Variants in UBN2 observed in about 807,000 individuals in gnomAD.
The protein encoded by UBN2 is ubinuclein 2, also known as ubinuclein-2.
Under a neutral mutation model 120.2 loss-of-function variants are expected in UBN2, and 35 were observed. That is an observed-to-expected ratio of 0.29 (90% CI 0.22 to 0.39). UBN2 has a LOEUF of 0.39. Among genes scored for constraint, UBN2 ranks in the 10% least tolerant of loss-of-function variants. UBN2 has a pLI of 1.00. For missense variants in UBN2, 1,693 were observed against 1,663.2 expected, an observed-to-expected ratio of 1.02 and a Z score of -0.31; for synonymous variants, 661 against 648.7, an observed-to-expected ratio of 1.02 and a Z score of -0.29.
the UBN2 span, among the ~76,000 whole-genome samples, chr7:139,319,673 G>C: frequency 5.9e-5 from 9 of 152,262 alleles, no homozygotes; most frequent in African/African-American, 2.2e-4. Context: ...ACACGTTCCT[G>C]CTCTCTTTCT....
intron 12 of UBN2, among the ~76,000 whole-genome samples, chr7:139,278,277 G>T (rs1797505258): frequency 6.6e-6 from 1 of 151,410 alleles, no homozygotes. Context: ...CATCTCCCAG[G>T]TTCAGGCAAT....
rs1797720731 is a variant in UBN2 at position 139,284,453 on chromosome 7, C to T, written c.3548C>T (p.Ala1183Val). 6.2e-7 allele frequency: 1 copy of T among 1,614,042 alleles called. No homozygotes were observed. ...SRGSNLNSSG[A>V]NRTSLSGGTG... ...GGTAGCAACCTTAACTCAAGCGGAG[C>T]TAATAGGACTAGTCTGTCTGGGGGA... is the stretch of plus-strand genomic sequence containing the variant. Residue 1183 changes from alanine to valine, a missense_variant, in exon 15 of 18, where the codon GCT (alanine) becomes GTT (valine). Ala to Val is a moderately conservative substitution (Grantham distance 64, BLOSUM62 0). Coordinates refer to ENST00000473989, the MANE Select transcript of UBN2 (RefSeq NM_173569.4).
chr7:139,290,218 GCCACC>G (rs1341199648), intron 15 of UBN2, among the ~76,000 whole-genome samples: 1 of 152,176 alleles, frequency 6.6e-6, no homozygotes, highest in Admixed American at 6.6e-5. Context: ...ACAGGCATGA[GCCACC>G]GTGCCTTGCC....
In UBN2 at chr7:139,280,500, TTTG is replaced by T. The variant is rs537000592; in HGVS notation, c.2067+1155_2067+1157del. 6.4e-3 allele frequency among the ~76,000 whole-genome samples: 981 copies of T among 152,234 alleles called. 4 individuals carry two copies. Among genetic ancestry groups the T allele is most frequent in the Non-Finnish European group, 0.011 (718 of 67,996 alleles). On this transcript the variant is annotated intron_variant, in intron 13 of 17. Coordinates refer to ENST00000473989, the MANE Select transcript of UBN2 (RefSeq NM_173569.4). ...CTCCATAGCCTTTGTCTCTTTGGTT[TTTG>T]TTGTTGTTGTTGTTTTTAATAGATG...
At chr7:139,272,761 A>G (rs947288054) in intron 9 of UBN2, among the ~76,000 whole-genome samples, 2 of 152,168 alleles carry the variant, frequency 1.3e-5, no homozygotes, top group African/African-American at 4.8e-5. Context: ...TCCTGACCTC[A>G]GGTGATCCAG....
intron 2 of UBN2, 47 bp downstream of exon 2, chr7:139,237,144 T>C: frequency 7.0e-7 from 1 of 1,423,958 alleles, no homozygotes; most frequent in African/African-American, 1.4e-5. Context: ...CCTATTGACC[T>C]GTTTGCTTTC....
chr7:139,276,066 A>G, intron 11 of UBN2, 31 bp from the exon 12 acceptor site: 1 of 1,569,562 alleles, frequency 6.4e-7, no homozygotes. Context: ...CTATAAAGAA[A>G]ATAATAATTG....
intron 1 of UBN2, among the ~76,000 whole-genome samples, chr7:139,232,852 A>G (rs1022308083): frequency 1.3e-5 from 2 of 152,184 alleles, no homozygotes; most frequent in Non-Finnish European, 2.9e-5. Flanking sequence ...CAATGGAGAA[A>G]GGATAGGGGT....
At chr7:139,323,319 A>G in the UBN2 span, among the ~76,000 whole-genome samples, 1 of 152,104 alleles carries the variant, frequency 6.6e-6, no homozygotes, top group African/African-American at 2.4e-5. Context: ...GCTGAGTATC[A>G]AATGTCAAAA....
At chr7:139,290,321 C>T (rs1797917316) in intron 15 of UBN2, among the ~76,000 whole-genome samples, 1 of 152,074 alleles carries the variant, frequency 6.6e-6, no homozygotes, top group South Asian at 2.1e-4. Context: ...TAATTTTTTC[C>T]TAAATGTACC....
At chr7:139,292,129 C>T (rs1563228149) in intron 15 of UBN2, among the ~76,000 whole-genome samples, 1 of 152,022 alleles carries the variant, frequency 6.6e-6, no homozygotes, top group African/African-American at 2.4e-5. Flanking sequence ...TGGCATGTGC[C>T]TGTAGTCTTA....
At position 139,242,551 on chromosome 7, in the gene UBN2, A is replaced by T. The variant is rs187232630; in HGVS notation, c.561+5454A>T. Among the ~76,000 whole-genome samples the T allele has an allele frequency of 1.2e-3, 181 of 151,292 alleles. 2 individuals are homozygous for T. Among genetic ancestry groups the T allele is most frequent in the Non-Finnish European group, 8.8e-5 (6 of 68,004 alleles). On this transcript the variant is annotated intron_variant, in intron 2 of 17. Coordinates refer to ENST00000473989, the MANE Select transcript of UBN2 (RefSeq NM_173569.4). ...AAAACATAAAATAATCTTTTAAAGCAAACTGGGGGAGGGGAGAGGGCCTTA... is the reference window on the plus strand; with the variant it reads ...AAAACATAAAATAATCTTTTAAAGCTAACTGGGGGAGGGGAGAGGGCCTTA...
intron 6 of UBN2, among the ~76,000 whole-genome samples, chr7:139,264,809 G>A (rs186580594): frequency 1.3e-5 from 2 of 152,094 alleles, no homozygotes; most frequent in Admixed American, 1.3e-4. Context: ...AGGATGTCTT[G>A]GTCTCTTGAC....
intron 1 of UBN2, among the ~76,000 whole-genome samples, chr7:139,236,425 C>G (rs1026914062): frequency 1.3e-5 from 2 of 152,180 alleles, no homozygotes; most frequent in Non-Finnish European, 2.9e-5. Flanking sequence ...TACACACACT[C>G]AGTGTTAACT....
At chr7:139,296,907 A>C (rs527780797) in intron 17 of UBN2, among the ~76,000 whole-genome samples, 1 of 152,202 alleles carries the variant, frequency 6.6e-6, no homozygotes, top group African/African-American at 2.4e-5. Context: ...TCTTAAAAAA[A>C]GAAAGAGCCA....
chr7:139,311,199 G>A (rs894114334), downstream of UBN2, among the ~76,000 whole-genome samples: 5 of 152,162 alleles, frequency 3.3e-5, no homozygotes, highest in South Asian at 2.1e-4. Context: ...TCATGAGATC[G>A]TACACCTTTT....
chr7:139,272,301 C>A (rs1286860565), intron 8 of UBN2, 21 bp from the exon 9 acceptor site: 7 of 1,565,096 alleles, frequency 4.5e-6, no homozygotes, highest in Non-Finnish European at 6.1e-6. Context: ...ATAAAAACTT[C>A]TAGTATGTTT....
In UBN2 at chr7:139,293,910, C is replaced by T; in HGVS notation, c.3923C>T (p.Pro1308Leu). The T allele has an allele frequency of 6.2e-7, 1 of 1,614,066 alleles. No individual in the cohort carries two copies. Among genetic ancestry groups the T allele is most frequent in the South Asian group, 1.1e-5 (1 of 91,084 alleles). ...LTQNLLKGLQ[P>L]GGAQHAATLS... ...TCAGATTTACTAAAGGGTTTACAGC[C>T]AGGAGGAGCTCAGCATGCAGCAACG... The change falls in exon 17 of 18, where the codon CCA becomes CTA. Residue 1308 changes from proline to leucine, a missense_variant. By Grantham distance (98) the Pro-to-Leu change is moderately conservative. Around this residue, in one of 5 missense-constraint regions of UBN2, gnomAD observed 837 missense variants for 817.6 expected, o/e 1.02. Coordinates refer to ENST00000473989, the MANE Select transcript of UBN2 (RefSeq NM_173569.4).
chr7:139,260,807 A>C (rs1585002535), intron 5 of UBN2, among the ~76,000 whole-genome samples: 1 of 152,164 alleles, frequency 6.6e-6, no homozygotes, highest in East Asian at 1.9e-4. Context: ...TTGTTTTTCA[A>C]CTTTATAACT....
Sources: gnomAD v4.1 joint callset for allele counts (sites outside exome capture counted in the v4.1 genomes callset) on GRCh38, gnomAD v4.1.1 for gene constraint, gnomAD v4.1.1 regional missense constraint, MANE v1.5 for transcripts, NCBI Gene and HGNC (gene_info 2026-07-23, HGNC 2026-07-21) for gene names.